The following CEP192 variants were observed in gnomAD, a reference collection of about 807,000 sequenced individuals.
CEP192 encodes the protein centrosomal protein of 192 kDa.
CEP192 carries 151 observed loss-of-function variants against 271.8 expected under a neutral mutation model. The observed-to-expected ratio is 0.56, with a 90% CI of 0.49 to 0.64. The LOEUF (loss-of-function observed/expected upper bound fraction) is 0.64. Ranked by LOEUF, CEP192 falls within the 30% of genes least tolerant of loss-of-function variation. CEP192 has a pLI of 0.00. For synonymous variants in CEP192, 995 were observed against 1,076.5 expected, an observed-to-expected ratio of 0.92 and a Z score of 1.48; for missense variants, 2,910 against 3,020.5, an observed-to-expected ratio of 0.96 and a Z score of 0.86.
chr18:13,040,230 C>T (rs2036131401), intron 13 of CEP192, among the ~76,000 whole-genome samples: 1 of 152,070 alleles, frequency 6.6e-6, no homozygotes, highest in African/African-American at 2.4e-5. Flanking sequence ...GTTACTGAAT[C>T]AAGGGAAGAA....
Position 13,068,090 on chromosome 18 carries a change from A to G in CEP192, c.4615-4A>G. ...ACTGAACTGATTCTTGTATTTCTAA[A>G]CAGAACGCTGTAGCCTGGCGCTGTT... On this transcript the variant is annotated splice_polypyrimidine_tract_variant and splice_region_variant and intron_variant, in intron 22 of 44. Coordinates refer to ENST00000506447, the MANE Select transcript of CEP192 (RefSeq NM_032142.4). 1 of 1,614,138 alleles carries G rather than the reference A, an allele frequency of 6.2e-7. No individual in the cohort carries two copies. Among genetic ancestry groups the G allele is most frequent in the Non-Finnish European group, 8.5e-7 (1 of 1,179,998 alleles).
At chr18:13,038,267 C>T in intron 12 of CEP192, 103 bp from the exon 13 acceptor site, 3 of 936,530 alleles carry the variant, frequency 3.2e-6, no homozygotes, top group East Asian at 2.7e-5. Context: ...TTCAAAATTA[C>T]TTTTTAAATT....
At chr18:13,033,455 A>G (rs184926719) in intron 11 of CEP192, among the ~76,000 whole-genome samples, 1 of 152,348 alleles carries the variant, frequency 6.6e-6, no homozygotes, top group East Asian at 1.9e-4. Flanking sequence ...TGTGAGGGAC[A>G]CAGGTATGCT....
chr18:13,108,076 C>T (rs2040039876), intron 40 of CEP192, among the ~76,000 whole-genome samples: 1 of 152,088 alleles, frequency 6.6e-6, no homozygotes, highest in Non-Finnish European at 1.5e-5. Context: ...ATAAGTAGTA[C>T]TGGAATAGCT....
intron 17 of CEP192, among the ~76,000 whole-genome samples, chr18:13,050,905 A>G (rs2036750570): frequency 6.6e-6 from 1 of 152,190 alleles, no homozygotes; most frequent in Non-Finnish European, 1.5e-5. Flanking sequence ...ATGTATTACC[A>G]GTCATCCAGC....
At chr18:13,020,504 T>C (rs937759685) in intron 9 of CEP192, among the ~76,000 whole-genome samples, 7 of 152,224 alleles carry the variant, frequency 4.6e-5, no homozygotes, top group Non-Finnish European at 1.0e-4. Flanking sequence ...TGTTTCTGTC[T>C]TTTGGCTTTT....
rs1381945526 is a variant in CEP192 at position 13,052,979 on chromosome 18, G to T, written c.3078G>T (p.Glu1026Asp). 1 of 1,613,894 alleles carries T rather than the reference G, an allele frequency of 6.2e-7. No homozygotes were observed. Residue 1026 changes from glutamate to aspartate, a missense_variant, in exon 18 of 45, where the codon GAG becomes GAT. Transcript: ENST00000506447. Reference sequence around the variant, plus strand: ...AGCAGCAGCCTCCCTGTGAGCAGGAGTTGTCTCCCTTGGTGTGCTCGCCTG... The same window carrying T: ...AGCAGCAGCCTCCCTGTGAGCAGGATTTGTCTCCCTTGGTGTGCTCGCCTG... ...AQQQQPPCEQ[E>D]LSPLVCSPAG... is the part of the protein sequence containing the mutation.
chr18:13,071,306 A>G (rs966461428), intron 28 of CEP192, 94 bp downstream of exon 28: 26 of 1,081,236 alleles, frequency 2.4e-5, no homozygotes, highest in Non-Finnish European at 3.1e-5. Context: ...GTCATAATAG[A>G]CACTCTTCAG....
intron 30 of CEP192, among the ~76,000 whole-genome samples, chr18:13,082,653 A>G (rs906612224): frequency 5.3e-5 from 8 of 151,730 alleles, no homozygotes; most frequent in African/African-American, 1.9e-4. Context: ...TGTGAATTTG[A>G]TCCTGTCATT....
Position 13,087,547 on chromosome 18 carries a change from A to G in CEP192, c.5894A>G (p.Tyr1965Cys), listed in dbSNP as rs749586978. ...TGGCATCAGAATGTTACTTTAATAT[A>G]TAATCCATCAGACAGAGGAATCAAT... ...ERTQENVTLI[Y>C]NPSDRGINNK... Residue 1965 changes from tyrosine (Y) to cysteine (C), a missense_variant, in exon 32 of 45, where the codon TAT becomes TGT. By Grantham distance (194) the Tyr-to-Cys change is radical (BLOSUM62 -2). Transcript: ENST00000506447. The G allele has an allele frequency of 4.7e-6, 7 of 1,477,488 alleles. No individual in the cohort carries two copies. The highest frequency in any genetic ancestry group is 2.0e-5 in the Admixed American group (1 of 49,324). The allele number at this position is 1,477,488 out of a possible 1,614,324, so 91.5% of individuals were successfully genotyped here. A position where few individuals can be genotyped will look rare whatever the true frequency, so the allele number is the denominator to read the frequency against.
intron 9 of CEP192, among the ~76,000 whole-genome samples, chr18:13,019,611 T>C (rs990344264): frequency 1.3e-5 from 2 of 152,172 alleles, no homozygotes; most frequent in Non-Finnish European, 2.9e-5. Flanking sequence ...ATTATGCCCT[T>C]TTTAAATAGT....
intron 18 of CEP192, among the ~76,000 whole-genome samples, chr18:13,054,726 CTT>C (rs1005545669): frequency 6.6e-6 from 1 of 152,186 alleles, no homozygotes; most frequent in African/African-American, 2.4e-5. Context: ...ATAATATAGT[CTT>C]TGTTTCTTAG....
Position 13,057,580 on chromosome 18 carries a change from C to T in CEP192, c.4109-5C>T. 6.2e-7 allele frequency: 1 copy of T among 1,613,662 alleles called. No individual in the cohort carries two copies. The highest frequency in any genetic ancestry group is 1.1e-5 in the South Asian group (1 of 91,040). The stretch of plus-strand genomic sequence containing the variant: ...CATTTTTGACTGTGCCTTATTCTCA[C>T]CCAGGGAGTGTCCGAGTGCCCGAGG... On this transcript the variant is annotated splice_region_variant and splice_polypyrimidine_tract_variant and intron_variant, in intron 19 of 44. Transcript: ENST00000506447.
chr18:13,060,665 G>A, intron 21 of CEP192, among the ~76,000 whole-genome samples: 1 of 152,284 alleles, frequency 6.6e-6, no homozygotes, highest in Admixed American at 6.5e-5. Context: ...GCACACACCT[G>A]TAATCCCAGC....
Position 13,029,946 on chromosome 18 carries a change from C to T in CEP192, c.1334C>T (p.Pro445Leu), listed in dbSNP as rs776353014. Residue 445 changes from proline to leucine, a missense_variant, in exon 10 of 45, where the codon CCA (proline) becomes CTA (leucine). Pro to Leu is a moderately conservative substitution (Grantham distance 98). Coordinates refer to ENST00000506447, the MANE Select transcript of CEP192 (RefSeq NM_032142.4). The stretch of plus-strand genomic sequence containing the variant: ...AATTTCACTGATGCCATTTGGTCAC[C>T]AACTTGTGAAAGGCGAACATGTGAA... ...GINFTDAIWSPTCERRTCECH... is the reference protein window; with the variant it reads ...GINFTDAIWSLTCERRTCECH... 6.4e-7 allele frequency: 1 copy of T among 1,551,530 alleles called. No homozygotes were observed. The highest frequency in any genetic ancestry group is 8.7e-7 in the Non-Finnish European group (1 of 1,146,890).
intron 38 of CEP192, among the ~76,000 whole-genome samples, chr18:13,101,919 G>A (rs2039725736): frequency 6.6e-6 from 1 of 152,078 alleles, no homozygotes; most frequent in Non-Finnish European, 1.5e-5. Context: ...CTGTTTCACA[G>A]GCTTCCATGA....
In CEP192 at chr18:13,038,411, C is replaced by T. The variant is rs568748357; in HGVS notation, c.1641C>T (p.Gly547=). ...IDAHNTSVAL[G]DTSWGATINY... ...CTCATAATACTTCGGTTGCACTGGGCGATACGTCCTGGGGAGCTACAATTA... is the reference window on the plus strand; with the variant it reads ...CTCATAATACTTCGGTTGCACTGGGTGATACGTCCTGGGGAGCTACAATTA... The change falls in exon 13 of 45, where the codon GGC becomes GGT. Residue 547 remains glycine (G), a synonymous_variant. Coordinates refer to ENST00000506447, the MANE Select transcript of CEP192 (RefSeq NM_032142.4). The T allele has an allele frequency of 2.8e-5, 44 of 1,551,576 alleles. 1 individual carries two copies. The African/African-American group carries it at 4.5e-4, about 16-fold the overall frequency.
In CEP192 at chr18:13,056,563, A is replaced by G. The variant is rs538076694; in HGVS notation, c.3973A>G (p.Thr1325Ala). ...AAATATCGGCTCTGGATGGATGGGT[A>G]CCTCTTCCCTCTGTAACCCATATTC... ...GSNIGSGWMG[T>A]SSLCNPYSNT... The change falls in exon 19 of 45, where the codon ACC (threonine) becomes GCC (alanine). Residue 1325 changes from threonine (T) to alanine (A), a missense_variant. By Grantham distance (58) the Thr-to-Ala change is moderately conservative (BLOSUM62 0). Transcript: ENST00000506447. 1.2e-6 allele frequency: 2 copies of G among 1,614,080 alleles called. No individual in the cohort carries two copies. The highest frequency in any genetic ancestry group is 2.2e-5 in the South Asian group (2 of 91,076).
chr18:13,109,649 G>A lies in CEP192; in HGVS notation c.7048-3937G>A, dbSNP rs181617156. Among the ~76,000 whole-genome samples, 301 of 152,182 alleles carry A rather than the reference G, an allele frequency of 2.0e-3. 1 individual carries two copies. Among genetic ancestry groups the A allele is most frequent in the African/African-American group, 6.7e-3 (278 of 41,520 alleles). ...AAAATTGAAATTAATGAGCTAAGCA[G>A]TCATTTGAAGAATGGTGAAAATAAT... On this transcript the variant is annotated intron_variant, in intron 40 of 44. Transcript: ENST00000506447.
Sources: gnomAD v4.1 joint callset for allele counts (sites outside exome capture counted in the v4.1 genomes callset) on GRCh38, gnomAD v4.1.1 for gene constraint, MANE v1.5 for transcripts, NCBI Gene and HGNC (gene_info 2026-07-23, HGNC 2026-07-21) for gene names.